CORO7: variants seen among roughly 807,000 people sequenced by gnomAD.
The protein encoded by CORO7 is coronin-7.
A neutral mutation model predicts 126.6 loss-of-function variants in CORO7; 107 were observed. The ratio of observed to expected loss-of-function variants is 0.85; its 90% CI spans 0.72 to 0.99. The LOEUF (loss-of-function observed/expected upper bound fraction) is 0.99. CORO7 is among the 50% of genes least tolerant of loss of function. The probability of loss-of-function intolerance (pLI) is 0.00; values close to 1 mark genes in which losing one functional copy is unlikely to be tolerated. For missense variants in CORO7, 1,314 were observed against 1,255.8 expected, an observed-to-expected ratio of 1.05 and a Z score of -0.70; for synonymous variants, 603 against 536.8, an observed-to-expected ratio of 1.12 and a Z score of -1.70.
chr16:4,391,929 G>A (rs576578236), intron 7 of CORO7, among the ~76,000 whole-genome samples: 95 of 152,318 alleles, frequency 6.2e-4, no homozygotes, highest in African/African-American at 2.2e-3. Flanking sequence ...GGGTGCAGGA[G>A]GGGAGGCGCG....
chr16:4,411,840 A>C (rs984358578), intron 3 of CORO7, among the ~76,000 whole-genome samples: 1 of 151,998 alleles, frequency 6.6e-6, no homozygotes, highest in African/African-American at 2.4e-5. Flanking sequence ...TGAGGCGAGC[A>C]AACTGTTCCC....
In CORO7 at chr16:4,372,759, C is replaced by A. The variant is rs546360832; in HGVS notation, c.786-7214G>T. On this transcript the variant is annotated intron_variant, in intron 9 of 27. Coordinates refer to ENST00000251166, the MANE Select transcript of CORO7 (RefSeq NM_024535.5). Reference sequence around the variant, plus strand: ...TTGGTGCCAACCATTCTGCCTCTCCCCCATTCGTTAACGATTGCCACACCA... The same window carrying A: ...TTGGTGCCAACCATTCTGCCTCTCCACCATTCGTTAACGATTGCCACACCA... 3.3e-5 allele frequency among the ~76,000 whole-genome samples: 5 copies of A among 152,286 alleles called. No individual in the cohort carries two copies. The East Asian group carries it at 9.6e-4, about 29-fold the overall frequency.
At chr16:4,356,954 G>T in intron 26 of CORO7, 1 of 653,416 alleles carries the variant, frequency 1.5e-6, no homozygotes, top group Non-Finnish European at 2.6e-6. Context: ...GGTTTGGCCT[G>T]GCCAGGGCAG....
At chr16:4,388,426 T>A (rs1346599713) in intron 8 of CORO7, 119 bp downstream of exon 8, 1 of 1,147,882 alleles carries the variant, frequency 8.7e-7, no homozygotes, top group South Asian at 1.5e-5. Context: ...CCAGGCCGTA[T>A]ATGGACAGGC....
At chr16:4,405,414 G>T in intron 6 of CORO7, 77 bp downstream of exon 6, 1 of 1,500,802 alleles carries the variant, frequency 6.7e-7, no homozygotes. Flanking sequence ...CAACAAGCCT[G>T]GAAGGCCCAG....
chr16:4,362,020 G>A lies in CORO7; in HGVS notation c.1543C>T (p.Leu515=), dbSNP rs1210925163. The change falls in exon 16 of 28, where the codon CTG becomes TTG. Residue 515 remains leucine (L), a synonymous_variant. Coordinates refer to ENST00000251166, the MANE Select transcript of CORO7 (RefSeq NM_024535.5). The surrounding 1 kb of genome is among the most constrained non-coding windows in gnomAD (Gnocchi z 5.3). The stretch of plus-strand genomic sequence containing the variant: ...GCCACCTGTCCCCCGCTGCTGAGCA[G>A]CGGCACGGCCACACGCAGCTTGTTG... ...CANKLRVAVP[L]LSSGGQVAVL... is the part of the protein sequence containing the mutation. 6.2e-7 allele frequency: 1 copy of A among 1,612,162 alleles called. No individual in the cohort carries two copies. The highest frequency in any genetic ancestry group is 1.3e-5 in the African/African-American group (1 of 74,928).
At chr16:4,392,555 G>A (rs2055432096) in intron 7 of CORO7, among the ~76,000 whole-genome samples, 1 of 152,226 alleles carries the variant, frequency 6.6e-6, no homozygotes, top group Non-Finnish European at 1.5e-5. Flanking sequence ...TGGGCTCCGG[G>A]ATAGCACCAG....
At chr16:4,395,465 T>C in intron 6 of CORO7, 126 bp from the exon 7 acceptor site, 2 of 1,248,158 alleles carry the variant, frequency 1.6e-6, no homozygotes, top group African/African-American at 1.4e-5. Context: ...AGGGCTGCCA[T>C]CACACACCAG....
intron 9 of CORO7, chr16:4,387,633 C>A (rs2055240436): frequency 3.9e-6 from 1 of 255,814 alleles, no homozygotes; most frequent in Non-Finnish European, 7.8e-6. Context: ...TGGGCCTCAG[C>A]CCTGCCAGAA....
chr16:4,384,887 G>A (rs1301243250), intron 9 of CORO7, among the ~76,000 whole-genome samples: 1 of 152,202 alleles, frequency 6.6e-6, no homozygotes, highest in Non-Finnish European at 1.5e-5. Flanking sequence ...TTGTGGGCCT[G>A]AGGCTGCTGC....
intron 23 of CORO7, 22 bp downstream of exon 23, chr16:4,359,274 C>A (rs1276792035): frequency 2.5e-6 from 4 of 1,578,196 alleles, no homozygotes; most frequent in Non-Finnish European, 2.6e-6. Flanking sequence ...CCATCGGGGA[C>A]GAGGCGCCAG....
chr16:4,395,178 G>T, intron 7 of CORO7, 111 bp downstream of exon 7: 1 of 1,506,160 alleles, frequency 6.6e-7, no homozygotes. Flanking sequence ...TGGTGCTGCA[G>T]AACATGTCTG....
rs761102060 is a variant in CORO7 at position 4,407,620 on chromosome 16, C to T, written c.368G>A (p.Gly123Asp). ...ALPSAPGVVL[G>D]PEDLPVEVLQ... ...TACCTCCACTGGGAGGTCCTCGGGG[C>T]CCAGCACCACCCCGGGTGCTGAGGG... is the stretch of plus-strand genomic sequence containing the variant. The change falls in exon 5 of 28, where the codon GGC becomes GAC. Residue 123 changes from glycine to aspartate, a missense_variant. Gly to Asp is a moderately conservative substitution (Grantham distance 94, BLOSUM62 -1). Coordinates refer to ENST00000251166, the MANE Select transcript of CORO7 (RefSeq NM_024535.5). The T allele has an allele frequency of 6.9e-6, 11 of 1,604,106 alleles. No homozygotes were observed. In the East Asian group the frequency reaches 2.2e-4, roughly 33 times the overall value.
In CORO7 at chr16:4,398,523, G is replaced by A. The variant is rs113288492; in HGVS notation, c.565-3184C>T. ...TCTACTAAAAATACAAAAATTAGCC[G>A]GGCGTGGTGGCGTGCACCTGTAATA... On this transcript the variant is annotated intron_variant, in intron 6 of 27. Transcript: ENST00000251166. Among the ~76,000 whole-genome samples, 1,404 of 152,182 alleles carry A rather than the reference G, an allele frequency of 9.2e-3. 13 individuals are homozygous for A. The highest frequency in any genetic ancestry group is 0.014 in the Non-Finnish European group (922 of 67,994).
Position 4,358,469 on chromosome 16 carries a change from C to A in CORO7, c.2355G>T (p.Leu785=). The A allele has an allele frequency of 1.2e-6, 2 of 1,601,474 alleles. No homozygotes were observed. The highest frequency in any genetic ancestry group is 1.7e-6 in the Non-Finnish European group (2 of 1,172,448). ...SPDPHKGLVL[L]PKTECDVREV... The stretch of plus-strand genomic sequence containing the variant: ...CCCGCACGTCGCACTCCGTCTTAGG[C>A]AGGAGGACGAGGCCCTGGGGGAGCA... The change falls in exon 24 of 28, where the codon CTG becomes CTT. Residue 785 remains leucine (L), a synonymous_variant. Transcript: ENST00000251166.
In CORO7 at chr16:4,355,356, A is replaced by T; in HGVS notation, c.2702T>A (p.Val901Glu). 1 of 1,611,430 alleles carries T rather than the reference A, an allele frequency of 6.2e-7. No homozygotes were observed. ...GTCCTCCCGGTTCCCCAGTTTTGCC[A>T]CCATGGCATTCAGCAGCTGGGAGAG... ...QKKEELLNAMVAKLGNREDPL... is the reference protein window; with the variant it reads ...QKKEELLNAMEAKLGNREDPL... Residue 901 changes from valine (V) to glutamate (E), a missense_variant, in exon 27 of 28, where the codon GTG (valine) becomes GAG (glutamate). Coordinates refer to ENST00000251166, the MANE Select transcript of CORO7 (RefSeq NM_024535.5).
At chr16:4,381,596 G>A (rs745762260) in intron 9 of CORO7, 1 of 1,599,442 alleles carries the variant, frequency 6.3e-7, no homozygotes, top group South Asian at 1.1e-5. Context: ...GGCCTCCGGG[G>A]CCTGACGCGC....
chr16:4,406,690 G>A (rs1263871530), intron 5 of CORO7, among the ~76,000 whole-genome samples: 8 of 151,782 alleles, frequency 5.3e-5, no homozygotes, highest in East Asian at 1.9e-4. Flanking sequence ...GCAATGGCAC[G>A]ATCTCTCTTC....
At chr16:4,382,629 G>A (rs369502287) in intron 9 of CORO7, 62 of 1,568,710 alleles carry the variant, frequency 4.0e-5, no homozygotes, top group East Asian at 2.9e-4. Flanking sequence ...CCCTGGCCGC[G>A]GTGCTCCTGG....
Sources: gnomAD v4.1 joint callset for allele counts (sites outside exome capture counted in the v4.1 genomes callset) on GRCh38, gnomAD v4.1.1 for gene constraint, Gnocchi (gnomAD v3.1) non-coding constraint, MANE v1.5 for transcripts, NCBI Gene and HGNC (gene_info 2026-07-23, HGNC 2026-07-21) for gene names.